Variants in FOXP2 observed in about 807,000 individuals in gnomAD.
FOXP2 encodes the protein forkhead box protein P2.
Under a neutral mutation model 115.8 loss-of-function variants are expected in FOXP2, and 12 were observed. The ratio of observed to expected loss-of-function variants is 0.10; its 90% CI spans 0.07 to 0.17. The LOEUF (loss-of-function observed/expected upper bound fraction) is 0.17. FOXP2 is among the 10% of genes least tolerant of loss of function. The probability of loss-of-function intolerance (pLI) is 1.00; values close to 1 mark genes in which losing one functional copy is unlikely to be tolerated. For missense variants in FOXP2, 629 were observed against 843.5 expected (o/e 0.75, Z 3.15); for synonymous variants, 328 against 297.7 (o/e 1.10, Z -1.05).
At chr7:114,086,647 C>G (rs750234120), upstream of FOXP2, 3 of 370,442 alleles carry the variant, frequency 8.1e-6, 1 homozygote, top group South Asian at 5.7e-5. Flanking sequence ...CGCGCTACAC[C>G]TCCGCACCCC....
intron 15 of FOXP2, 70 bp downstream of exon 15, chr7:114,663,589 G>A: frequency 8.9e-7 from 1 of 1,118,088 alleles, no homozygotes; most frequent in Non-Finnish European, 1.3e-6. Flanking sequence ...GCATGTCTTT[G>A]TATTTAGGTG....
intron 1 of FOXP2, among the ~76,000 whole-genome samples, chr7:114,259,344 G>A (rs1323242018): frequency 6.6e-6 from 1 of 152,096 alleles, no homozygotes; most frequent in African/African-American, 2.4e-5. Flanking sequence ...AAAATTATGG[G>A]CCAATTATGT....
rs1260080363 is a variant in FOXP2 at position 114,532,525 on chromosome 7, T to C, written c.169-2092T>C. 5.3e-5 allele frequency among the ~76,000 whole-genome samples: 8 copies of C among 152,018 alleles called. No homozygotes were observed. In the East Asian group the frequency reaches 1.5e-3, roughly 29 times the overall value. On this transcript the variant is annotated intron_variant, in intron 2 of 16. Coordinates refer to ENST00000350908, the MANE Select transcript of FOXP2 (RefSeq NM_014491.4). ...CAGCAGACCTTGAACAAAGCATTCA[T>C]AAATTGCTTTGTGATCTTGAACAAA...
At chr7:114,494,051 G>A (rs1253043731) in intron 2 of FOXP2, among the ~76,000 whole-genome samples, 1 of 151,880 alleles carries the variant, frequency 6.6e-6, no homozygotes, top group Non-Finnish European at 1.5e-5. Context: ...AATACCAGAG[G>A]ATTATTTTTA....
chr7:114,635,514 A>G (rs115747931), intron 6 of FOXP2, among the ~76,000 whole-genome samples: 1,538 of 152,300 alleles, frequency 0.01, 21 homozygotes, highest in African/African-American at 0.035. Context: ...TATTGCAGGT[A>G]TAAAACTCTG....
intron 1 of FOXP2, among the ~76,000 whole-genome samples, chr7:114,417,334 T>C (rs1793392519): frequency 6.6e-6 from 1 of 152,042 alleles, no homozygotes; most frequent in African/African-American, 2.4e-5. Context: ...TTTTTGCCTT[T>C]TGTTTCCTCT....
intron 3 of FOXP2, among the ~76,000 whole-genome samples, chr7:114,563,489 G>A (rs1411316366): frequency 6.6e-6 from 1 of 152,094 alleles, no homozygotes; most frequent in Non-Finnish European, 1.5e-5. Flanking sequence ...TTGTTAAAAT[G>A]CCTGGTCTCC....
At chr7:114,440,092 G>A (rs566092508) in intron 2 of FOXP2, among the ~76,000 whole-genome samples, 51 of 152,152 alleles carry the variant, frequency 3.4e-4, no homozygotes, top group Admixed American at 1.0e-3. Context: ...TAATGGTTAG[G>A]ACAGCACTGT....
At chr7:114,125,473 G>A (rs1163789587) in intron 1 of FOXP2, among the ~76,000 whole-genome samples, 2 of 152,058 alleles carry the variant, frequency 1.3e-5, no homozygotes, top group Non-Finnish European at 2.9e-5. Context: ...CGTTAATATG[G>A]TTCCTAAATG....
At chr7:114,222,580 C>A (rs1794651164) in intron 1 of FOXP2, among the ~76,000 whole-genome samples, 1 of 152,186 alleles carries the variant, frequency 6.6e-6, no homozygotes, top group African/African-American at 2.4e-5. Context: ...TCTTCACTTT[C>A]TGTGGTTTGC....
At chr7:114,223,179 A>G (rs1255344457) in intron 1 of FOXP2, among the ~76,000 whole-genome samples, 5 of 152,036 alleles carry the variant, frequency 3.3e-5, no homozygotes, top group Non-Finnish European at 1.5e-5. Context: ...AACAATGCCA[A>G]ATTATTTTCA....
intron 1 of FOXP2, among the ~76,000 whole-genome samples, chr7:114,278,283 G>A (rs1796242593): frequency 6.6e-6 from 1 of 151,944 alleles, no homozygotes; most frequent in African/African-American, 2.4e-5. Context: ...TATTGAGTTA[G>A]AGATGAGATT....
Position 114,305,210 on chromosome 7 carries a change from G to A in FOXP2, c.-11+17101G>A, listed in dbSNP as rs143514068. Among the ~76,000 whole-genome samples, 489 of 152,164 alleles carry A rather than the reference G, an allele frequency of 3.2e-3. 4 individuals carry two copies. Among genetic ancestry groups the A allele is most frequent in the African/African-American group, 0.011 (468 of 41,516 alleles). On this transcript the variant is annotated intron_variant, in intron 2 of 17. Coordinates refer to the FOXP2 transcript ENST00000634411. ...GAATTGCCTCCCTGGAGTGCACTGC[G>A]TTTCACAGATCAATAGATTTACCAA... is the stretch of plus-strand genomic sequence containing the variant.
At chr7:114,086,539 T>TTGC, upstream of FOXP2, 1 of 404,300 alleles carries the variant, frequency 2.5e-6, no homozygotes. Context: ...CGTGGGTGTG[T>TTGC]TGTTTGGGGG....
intron 2 of FOXP2, among the ~76,000 whole-genome samples, chr7:114,432,860 C>G (rs1249669012): frequency 6.6e-6 from 1 of 151,886 alleles, no homozygotes; most frequent in Non-Finnish European, 1.5e-5. Flanking sequence ...GTTGTCTTCC[C>G]TAGACAAAAC....
intron 2 of FOXP2, chr7:114,297,286 C>T (rs1339861438): frequency 5.5e-6 from 3 of 543,828 alleles, no homozygotes; most frequent in Non-Finnish European, 1.1e-5. Flanking sequence ...GGCGAACCCA[C>T]ACACCTCTGA....
intron 3 of FOXP2, among the ~76,000 whole-genome samples, chr7:114,555,630 C>T (rs553452552): frequency 6.6e-6 from 1 of 152,144 alleles, no homozygotes; most frequent in East Asian, 1.9e-4. Context: ...AACCCCGTCT[C>T]TACTAAAAAT....
chr7:114,492,439 C>T (rs1298204677), intron 2 of FOXP2, among the ~76,000 whole-genome samples: 2 of 152,100 alleles, frequency 1.3e-5, no homozygotes, highest in Non-Finnish European at 2.9e-5. Context: ...TTAGTTATTT[C>T]TTGCCTTCTG....
chr7:114,319,236 G>A (rs985120805), intron 2 of FOXP2, among the ~76,000 whole-genome samples: 6 of 152,160 alleles, frequency 3.9e-5, no homozygotes, highest in Non-Finnish European at 7.3e-5. Context: ...CTGGACTCAT[G>A]TGCTGTTTAT....
Sources: allele counts gnomAD v4.1 joint callset (sites outside exome capture counted in the v4.1 genomes callset), GRCh38; gene constraint gnomAD v4.1.1; transcripts MANE v1.5; gene names NCBI Gene and HGNC (gene_info 2026-07-23, HGNC 2026-07-21).